Variants in CRACD observed in about 807,000 individuals in gnomAD.
CRACD encodes the protein capping protein-inhibiting regulator of actin dynamics.
CRACD carries 56 observed loss-of-function variants against 106.8 expected under a neutral mutation model. That is an observed-to-expected ratio of 0.52 (90% CI 0.42 to 0.66). The LOEUF (loss-of-function observed/expected upper bound fraction) is 0.66, where lower values mean the gene tolerates loss of function less well. Ranked by LOEUF, CRACD falls within the 30% of genes least tolerant of loss-of-function variation. CRACD has a pLI of 0.00. For synonymous variants in CRACD, 754 were observed against 670.8 expected (o/e 1.12, Z -1.92); for missense variants, 1,730 against 1,623.2 (o/e 1.07, Z -1.13).
At chr4:56,153,182 G>A (rs376956627) in intron 1 of CRACD, among the ~76,000 whole-genome samples, 13 of 152,108 alleles carry the variant, frequency 8.5e-5, no homozygotes, top group African/African-American at 3.1e-4. Context: ...GGGAGGCTGA[G>A]GCAGGAGAAT....
chr4:56,281,672 C>T (rs543554752), intron 3 of CRACD, among the ~76,000 whole-genome samples: 1 of 152,116 alleles, frequency 6.6e-6, no homozygotes, highest in Non-Finnish European at 1.5e-5. Context: ...AGAGCATGAA[C>T]CAGAGGAAAA....
chr4:56,111,595 G>T (rs1734123529), intron 1 of CRACD, among the ~76,000 whole-genome samples: 1 of 152,228 alleles, frequency 6.6e-6, no homozygotes, highest in Non-Finnish European at 1.5e-5. Context: ...AGACTGGAGT[G>T]CAGTGGCGCA....
At chr4:56,121,229 T>C (rs1221176167) in intron 1 of CRACD, among the ~76,000 whole-genome samples, 1 of 152,198 alleles carries the variant, frequency 6.6e-6, no homozygotes, top group Admixed American at 6.5e-5. Flanking sequence ...TCATATTCAG[T>C]AAAATATTTC....
At chr4:56,280,446 G>C (rs938614778) in intron 3 of CRACD, among the ~76,000 whole-genome samples, 1 of 152,044 alleles carries the variant, frequency 6.6e-6, no homozygotes, top group African/African-American at 2.4e-5. Flanking sequence ...CTGCACAAAT[G>C]TGCCTTCCTT....
intron 3 of CRACD, among the ~76,000 whole-genome samples, chr4:56,290,541 A>G (rs950711396): frequency 6.6e-6 from 1 of 152,170 alleles, no homozygotes; most frequent in African/African-American, 2.4e-5. Context: ...TCTCCCATCA[A>G]TGTCTTTGGA....
intron 1 of CRACD, among the ~76,000 whole-genome samples, chr4:56,109,708 A>G (rs1348488390): frequency 6.6e-6 from 1 of 152,118 alleles, no homozygotes; most frequent in East Asian, 1.9e-4. Context: ...AATTAAATAT[A>G]AAAACATTAA....
intron 1 of CRACD, among the ~76,000 whole-genome samples, chr4:56,076,446 T>C (rs993537842): frequency 3.9e-5 from 6 of 152,226 alleles, no homozygotes; most frequent in African/African-American, 7.2e-5. Context: ...CTCTGAATTA[T>C]TGAAGAATTG....
intron 1 of CRACD, among the ~76,000 whole-genome samples, chr4:56,111,477 G>A (rs1287213043): frequency 6.6e-6 from 1 of 152,140 alleles, no homozygotes; most frequent in South Asian, 2.1e-4. Context: ...ATATAAAAAA[G>A]TAAAGTAAGT....
intron 2 of CRACD, among the ~76,000 whole-genome samples, chr4:56,194,786 A>G (rs1374267688): frequency 6.6e-6 from 1 of 152,154 alleles, no homozygotes; most frequent in Non-Finnish European, 1.5e-5. Flanking sequence ...TTTATAAGCT[A>G]CCCAATTTAT....
chr4:56,327,206 G>C (rs1008540375), intron 10 of CRACD, among the ~76,000 whole-genome samples: 3 of 152,194 alleles, frequency 2.0e-5, no homozygotes, highest in Admixed American at 2.0e-4. Context: ...CTGTGTGCAA[G>C]AGATATAAAC....
chr4:56,324,282 A>T lies in CRACD; in HGVS notation c.3541+16A>T. ...TCTGTGACAGGTAGAGAGCAGGTCC[A>T]TTGCTTTGTAACTGTAGTTCCAGGT... On this transcript the variant is annotated intron_variant, in intron 10 of 10. Transcript: ENST00000682029. 6.2e-7 allele frequency: 1 copy of T among 1,605,118 alleles called. No homozygotes were observed.
Position 56,315,619 on chromosome 4 carries a change from G to A in CRACD, c.2117G>A (p.Arg706His), listed in dbSNP as rs1458464761. The A allele has an allele frequency of 1.2e-6, 2 of 1,614,182 alleles. No homozygotes were observed. Among genetic ancestry groups the A allele is most frequent in the Admixed American group, 1.7e-5 (1 of 60,032 alleles). ...ESTPRGRCDS[R>H]GNQRKTPPVN... The stretch of plus-strand genomic sequence containing the variant: ...ACTCCCAGGGGCCGGTGTGATTCCC[G>A]CGGGAACCAACGGAAGACTCCGCCA... Residue 706 changes from arginine to histidine, a missense_variant, in exon 8 of 11, where the codon CGC becomes CAC. By Grantham distance (29) the Arg-to-His change is conservative (BLOSUM62 0). This residue lies in a region of CRACD where 1,620 missense variants were observed against 1,481.6 expected (regional missense o/e 1.09). Transcript: ENST00000682029. This position sits in a 1 kb window ranked among gnomAD's most constrained non-coding sequence, Gnocchi z 4.1.
intron 4 of CRACD, among the ~76,000 whole-genome samples, chr4:56,306,996 T>C (rs1744760433): frequency 6.6e-6 from 1 of 152,214 alleles, no homozygotes; most frequent in Non-Finnish European, 1.5e-5. Context: ...TGTTCTGGTT[T>C]GGGGTCTCAA....
intron 2 of CRACD, among the ~76,000 whole-genome samples, chr4:56,188,479 C>T (rs1737180552): frequency 6.6e-6 from 1 of 151,950 alleles, no homozygotes. Flanking sequence ...TCTTCTCCAT[C>T]TCTTCTGGTC....
intron 2 of CRACD, among the ~76,000 whole-genome samples, chr4:56,264,709 A>G (rs980118797): frequency 3.9e-5 from 6 of 152,268 alleles, no homozygotes; most frequent in Non-Finnish European, 7.3e-5. Context: ...GGAAATTATA[A>G]GAGTATTGAT....
chr4:56,176,553 C>T (rs957549301), intron 1 of CRACD, among the ~76,000 whole-genome samples: 3 of 151,666 alleles, frequency 2.0e-5, no homozygotes, highest in Admixed American at 6.6e-5. Context: ...CTCAGCCTCC[C>T]GAGTAGCTGG....
intron 2 of CRACD, among the ~76,000 whole-genome samples, chr4:56,250,982 A>C (rs1741020730): frequency 1.3e-5 from 2 of 152,200 alleles, no homozygotes; most frequent in Non-Finnish European, 2.9e-5. Context: ...TTTATCCTAC[A>C]CAGCTGCTGG....
At chr4:56,130,297 C>T (rs1734783984) in intron 1 of CRACD, among the ~76,000 whole-genome samples, 1 of 152,010 alleles carries the variant, frequency 6.6e-6, no homozygotes. Flanking sequence ...ACCATAATCT[C>T]AACAAATCTA....
chr4:56,301,831 G>T (rs73240538), intron 4 of CRACD, among the ~76,000 whole-genome samples: 10,150 of 151,784 alleles, frequency 0.067, 429 homozygotes, highest in Middle Eastern at 0.18. Context: ...AGATTTAAAA[G>T]AAAAAAATCA....
Sources: gnomAD v4.1 joint callset for allele counts (sites outside exome capture counted in the v4.1 genomes callset) on GRCh38, gnomAD v4.1.1 for gene constraint, gnomAD v4.1.1 regional missense constraint, Gnocchi (gnomAD v3.1) non-coding constraint, MANE v1.5 for transcripts, NCBI Gene and HGNC (gene_info 2026-07-23, HGNC 2026-07-21) for gene names.